The following DCC variants were observed in gnomAD, a reference collection of about 807,000 sequenced individuals.
DCC encodes netrin receptor DCC.
In DCC, 58 loss-of-function variants were observed where a neutral mutation model predicts 172.5. The ratio of observed to expected loss-of-function variants is 0.34; its 90% CI spans 0.27 to 0.42. The LOEUF (loss-of-function observed/expected upper bound fraction) is 0.42, where lower values mean the gene tolerates loss of function less well. Among genes scored for constraint, DCC ranks in the 10% least tolerant of loss-of-function variants. DCC has a pLI of 1.00. For missense variants in DCC, 1,740 were observed against 1,791.0 expected (o/e 0.97, Z 0.51); for synonymous variants, 709 against 644.5 (o/e 1.10, Z -1.52).
chr18:52,698,756 G>T (rs1459496097), intron 1 of DCC, among the ~76,000 whole-genome samples: 1 of 127,154 alleles, frequency 7.9e-6, no homozygotes, highest in Non-Finnish European at 1.6e-5. Flanking sequence ...CCGCCACCAC[G>T]CCTGGCTATT....
intron 26 of DCC, among the ~76,000 whole-genome samples, chr18:53,492,428 T>G (rs996060529): frequency 6.6e-6 from 1 of 152,236 alleles, no homozygotes; most frequent in Admixed American, 6.5e-5. Flanking sequence ...CTAGGGTTTT[T>G]ATGGTTTTAG....
rs9965238 is a variant in DCC, at chr18:52,736,291, A to C, written c.92-15763A>C. ...ATTTACTGTAAACATAAAAAAAAAA[A>C]AAAACAGAAAAATCACCCAGTGTTT... On this transcript the variant is annotated intron_variant, in intron 1 of 28. Transcript: ENST00000442544. Among the ~76,000 whole-genome samples, 499 of 151,860 alleles carry C rather than the reference A, an allele frequency of 3.3e-3. 6 individuals are homozygous for C. The highest frequency in any genetic ancestry group is 0.01 in the African/African-American group (432 of 41,422).
chr18:52,881,649 C>A (rs916217091), intron 2 of DCC, among the ~76,000 whole-genome samples: 1 of 152,070 alleles, frequency 6.6e-6, no homozygotes, highest in Non-Finnish European at 1.5e-5. Context: ...GTATTCTGTT[C>A]CATTGGTCTA....
At chr18:53,091,234 A>G (rs377708622) in intron 7 of DCC, among the ~76,000 whole-genome samples, 10 of 151,814 alleles carry the variant, frequency 6.6e-5, no homozygotes, top group African/African-American at 2.2e-4. Context: ...AAGCAGTTTC[A>G]GCTAGCTTTT....
chr18:53,171,380 T>C (rs1418744384), intron 8 of DCC, among the ~76,000 whole-genome samples: 4 of 152,120 alleles, frequency 2.6e-5, no homozygotes, highest in Non-Finnish European at 4.4e-5. Flanking sequence ...GGAGGTGTAT[T>C]TACATAGCAA....
intron 2 of DCC, among the ~76,000 whole-genome samples, chr18:52,852,872 G>T (rs1438166757): frequency 6.6e-6 from 1 of 152,036 alleles, no homozygotes; most frequent in Non-Finnish European, 1.5e-5. Context: ...ATCTCATTTG[G>T]TCTACCCAGC....
intron 1 of DCC, among the ~76,000 whole-genome samples, chr18:52,517,692 G>A (rs944136540): frequency 1.3e-5 from 2 of 152,088 alleles, no homozygotes; most frequent in African/African-American, 2.4e-5. Flanking sequence ...TGGCATAAAC[G>A]GTCCCCAGAT....
intron 1 of DCC, among the ~76,000 whole-genome samples, chr18:52,673,215 C>T (rs7242625): frequency 0.41 from 62,754 of 152,044 alleles, 13,236 homozygotes; most frequent in Non-Finnish European, 0.47. Context: ...TTAAATTAAA[C>T]TCCAGACTTT....
At chr18:53,516,522 A>C (rs1378972523) in intron 27 of DCC, among the ~76,000 whole-genome samples, 13 of 150,176 alleles carry the variant, frequency 8.7e-5, no homozygotes, top group East Asian at 5.8e-4. Context: ...CAACCTACAA[A>C]ATGGGAGAAA....
intron 3 of DCC, among the ~76,000 whole-genome samples, chr18:52,913,593 C>A (rs1156379065): frequency 1.3e-5 from 2 of 151,926 alleles, no homozygotes; most frequent in Non-Finnish European, 2.9e-5. Flanking sequence ...TTACTATTTC[C>A]TGTAAGTTCA....
intron 2 of DCC, among the ~76,000 whole-genome samples, chr18:52,811,378 T>G (rs1222970029): frequency 6.6e-6 from 1 of 152,232 alleles, no homozygotes; most frequent in Non-Finnish European, 1.5e-5. Flanking sequence ...AGCTAATTAC[T>G]TTTAAAATGT....
chr18:52,459,682 G>T (rs1988568092), intron 1 of DCC, among the ~76,000 whole-genome samples: 2 of 151,944 alleles, frequency 1.3e-5, no homozygotes, highest in South Asian at 2.1e-4. Context: ...TGTTAGCCAG[G>T]ATGGTCTCGA....
chr18:53,368,172 T>C (rs1324318926), intron 15 of DCC, among the ~76,000 whole-genome samples: 1 of 152,122 alleles, frequency 6.6e-6, no homozygotes, highest in Admixed American at 6.6e-5. Flanking sequence ...GTTTTGATTT[T>C]CACTTTTCTA....
chr18:53,332,572 G>A (rs7241424), intron 14 of DCC, among the ~76,000 whole-genome samples: 24,926 of 151,952 alleles, frequency 0.16, 2,565 homozygotes, highest in African/African-American at 0.28. Context: ...TATATGGTTT[G>A]AAAATTTTTA....
intron 5 of DCC, among the ~76,000 whole-genome samples, chr18:53,059,972 T>C (rs1270724024): frequency 2.6e-5 from 4 of 152,050 alleles, no homozygotes; most frequent in Non-Finnish European, 4.4e-5. Context: ...CACTGCCTAA[T>C]AGACAGTATA....
At chr18:52,626,450 C>CT (rs938338175) in intron 1 of DCC, among the ~76,000 whole-genome samples, 101 of 149,190 alleles carry the variant, frequency 6.8e-4, no homozygotes, top group Middle Eastern at 3.6e-3. Flanking sequence ...AGTCTCTCTG[C>CT]TTTTTTTTTT....
intron 7 of DCC, among the ~76,000 whole-genome samples, chr18:53,108,257 G>C (rs2043279592): frequency 6.6e-6 from 1 of 151,758 alleles, no homozygotes; most frequent in Non-Finnish European, 1.5e-5. Flanking sequence ...AACATTGACA[G>C]CTCCCAAAGA....
rs186743460 is a variant in DCC, at chr18:53,131,050, T to G, written c.1262-26306T>G. On this transcript the variant is annotated intron_variant, in intron 7 of 28. Coordinates refer to ENST00000442544, the MANE Select transcript of DCC (RefSeq NM_005215.4). ...GGGCCATTTAGTTCATTTTCAAGAA[T>G]GCTTAAAAGGCTGCGTTAGAAAATA... 5.2e-4 allele frequency among the ~76,000 whole-genome samples: 79 copies of G among 152,208 alleles called. 1 individual carries two copies. The highest frequency in any genetic ancestry group is 1.9e-3 in the African/African-American group (79 of 41,558).
chr18:53,315,771 G>C (rs2057336432), intron 13 of DCC, among the ~76,000 whole-genome samples: 1 of 151,796 alleles, frequency 6.6e-6, no homozygotes, highest in South Asian at 2.1e-4. Context: ...TTTTGTAGTA[G>C]TATTGTCTGT....
Sources: allele counts gnomAD v4.1 joint callset (sites outside exome capture counted in the v4.1 genomes callset), GRCh38; gene constraint gnomAD v4.1.1; transcripts MANE v1.5; gene names NCBI Gene and HGNC (gene_info 2026-07-23, HGNC 2026-07-21).